The following COBLL1 variants were observed in gnomAD, a reference collection of about 807,000 sequenced individuals.
The protein encoded by COBLL1 is cordon-bleu WH2 repeat protein like 1, also known as cordon-bleu protein-like 1.
COBLL1 carries 50 observed loss-of-function variants against 94.8 expected under a neutral mutation model. The ratio of observed to expected loss-of-function variants is 0.53; its 90% CI spans 0.42 to 0.67. COBLL1 has a LOEUF of 0.67. COBLL1 is among the 30% of genes least tolerant of loss of function. The probability of loss-of-function intolerance (pLI) is 0.00; values close to 1 mark genes in which losing one functional copy is unlikely to be tolerated. For synonymous variants in COBLL1, 448 were observed against 473.8 expected, an observed-to-expected ratio of 0.95 and a Z score of 0.71; for missense variants, 1,362 against 1,348.7, an observed-to-expected ratio of 1.01 and a Z score of -0.15.
rs116584273 is a variant in COBLL1, at chr2:164,767,954, C to T, written c.42-24079G>A. On this transcript the variant is annotated intron_variant, in intron 2 of 13. Coordinates refer to ENST00000652658, the MANE Select transcript of COBLL1 (RefSeq NM_001365672.2). ...ATGAGAAGGTGAACTAGAAATTACC[C>T]TACTGGTCCTAGCCCCAAACGGTGC... Among the ~76,000 whole-genome samples the T allele has an allele frequency of 4.8e-3, 738 of 152,188 alleles. 8 individuals carry two copies. Among genetic ancestry groups the T allele is most frequent in the African/African-American group, 0.016 (678 of 41,520 alleles).
At chr2:164,783,846 G>T (rs1309777142) in intron 2 of COBLL1, among the ~76,000 whole-genome samples, 1 of 151,958 alleles carries the variant, frequency 6.6e-6, no homozygotes, top group Non-Finnish European at 1.5e-5. Context: ...CATGCCTGTG[G>T]TCTCAGTTAT....
chr2:164,770,830 G>A (rs1688168547), intron 2 of COBLL1, among the ~76,000 whole-genome samples: 2 of 152,050 alleles, frequency 1.3e-5, no homozygotes, highest in South Asian at 4.2e-4. Context: ...ATAGCCTTTG[G>A]ATATCAAAGC....
chr2:164,775,674 G>A (rs1203795641), intron 2 of COBLL1, among the ~76,000 whole-genome samples: 3 of 151,988 alleles, frequency 2.0e-5, no homozygotes, highest in African/African-American at 4.8e-5. Flanking sequence ...TGTTGGCCTC[G>A]AACTCCTGAC....
intron 2 of COBLL1, among the ~76,000 whole-genome samples, chr2:164,812,621 C>T (rs1684513981): frequency 6.6e-6 from 1 of 152,014 alleles, no homozygotes. Context: ...GTTCACCCTT[C>T]CCTGCCTAGA....
Position 164,700,671 on chromosome 2 carries a change from A to G in COBLL1, c.1311T>C (p.Ile437=), listed in dbSNP as rs1364266323. The change falls in exon 10 of 14, where the codon ATT becomes ATC. Residue 437 remains isoleucine, a synonymous_variant. Coordinates refer to ENST00000652658, the MANE Select transcript of COBLL1 (RefSeq NM_001365672.2). ...AAGGAATATCTTGTGACTTCGGAGA[A>G]ATATTTTCAGCTTCAACTTTAGGCA... The part of the protein sequence containing the change: ...SEVPKVEAEN[I]SPKSQDIPFV... The G allele has an allele frequency of 6.2e-7, 1 of 1,613,434 alleles. No homozygotes were observed. Among genetic ancestry groups the G allele is most frequent in the East Asian group, 2.2e-5 (1 of 44,862 alleles).
intron 2 of COBLL1, among the ~76,000 whole-genome samples, chr2:164,795,745 T>A (rs1002980111): frequency 1.3e-5 from 2 of 152,194 alleles, no homozygotes; most frequent in Non-Finnish European, 2.9e-5. Flanking sequence ...CTGATAATAG[T>A]GTGATCAACA....
In COBLL1 at chr2:164,743,890, A is replaced by G; in HGVS notation, c.42-15T>C. On this transcript the variant is annotated splice_polypyrimidine_tract_variant and intron_variant, in intron 2 of 13. Coordinates refer to ENST00000652658, the MANE Select transcript of COBLL1 (RefSeq NM_001365672.2). ...TTGGTTTTCTCCTAAAATATAAAGA[A>G]AACACAAAAAATACAAAATATTTTA... 1 of 1,489,126 alleles carries G rather than the reference A, an allele frequency of 6.7e-7. No homozygotes were observed. Among genetic ancestry groups the G allele is most frequent in the Non-Finnish European group, 9.0e-7 (1 of 1,112,702 alleles). The allele number at this position is 1,489,126 out of a possible 1,614,324, so 92.2% of individuals were successfully genotyped here.
chr2:164,816,095 ATAGAGT>A (rs1307862646), intron 2 of COBLL1, among the ~76,000 whole-genome samples: 2 of 152,034 alleles, frequency 1.3e-5, no homozygotes, highest in Non-Finnish European at 2.9e-5. Flanking sequence ...ATATACTCTG[ATAGAGT>A]TAAAGTATCA....
chr2:164,775,549 G>A (rs561511498), intron 2 of COBLL1, among the ~76,000 whole-genome samples: 23 of 152,212 alleles, frequency 1.5e-4, no homozygotes, highest in Middle Eastern at 3.4e-3. Context: ...TGCAACCTCC[G>A]CCTACCAGAT....
intron 2 of COBLL1, among the ~76,000 whole-genome samples, chr2:164,750,382 T>A (rs917861181): frequency 6.6e-6 from 1 of 152,202 alleles, no homozygotes. Context: ...CATACTTTAA[T>A]TCCTCTCTGT....
intron 2 of COBLL1, among the ~76,000 whole-genome samples, chr2:164,822,689 T>A (rs1259798156): frequency 6.6e-6 from 1 of 150,904 alleles, no homozygotes; most frequent in East Asian, 1.9e-4. Context: ...TATATACACA[T>A]TTACATGCTC....
Position 164,687,199 on chromosome 2 carries a change from T to G in COBLL1, c.3301-1167A>C, listed in dbSNP as rs1683338647. On this transcript the variant is annotated intron_variant, in intron 13 of 13. Transcript: ENST00000652658. ...CCAAGTATAGCCAACAAATGACAGG[T>G]AATGACTTTCTTTCTTTTTTTTTTT... 7.0e-6 allele frequency: 3 copies of G among 431,366 alleles called. No homozygotes were observed. The East Asian group carries it at 1.3e-4, about 19-fold the overall frequency. 26.7% of individuals were successfully genotyped at this position (431,366 alleles called of 1,614,324 possible).
chr2:164,799,672 A>G (rs1683659221), intron 2 of COBLL1, among the ~76,000 whole-genome samples: 1 of 152,254 alleles, frequency 6.6e-6, no homozygotes, highest in Admixed American at 6.5e-5. Flanking sequence ...CAAGCTGGAG[A>G]ACTGATACAA....
rs1297887444 is a variant in COBLL1, at chr2:164,686,014, T to A, written c.3319A>T (p.Thr1107Ser). 2 of 1,598,906 alleles carry A rather than the reference T, an allele frequency of 1.3e-6. No homozygotes were observed. Residue 1107 changes from threonine to serine, a missense_variant, in exon 14 of 14, where the codon ACA becomes TCA. Coordinates refer to ENST00000652658, the MANE Select transcript of COBLL1 (RefSeq NM_001365672.2). Reference sequence around the variant, plus strand: ...CTTGACCTTCCATTCACAGATATTGTATTTGATGGAATGGTAACCTAAGAG... The same window carrying A: ...CTTGACCTTCCATTCACAGATATTGAATTTGATGGAATGGTAACCTAAGAG... ...KLKRVTIPSN[T>S]ISVNGRSRLS...
At chr2:164,794,193 G>A (rs1024520081) in intron 2 of COBLL1, among the ~76,000 whole-genome samples, 1 of 152,092 alleles carries the variant, frequency 6.6e-6, no homozygotes, top group Non-Finnish European at 1.5e-5. Flanking sequence ...AAACTGAAGG[G>A]GTGGAAGTTG....
intron 2 of COBLL1, chr2:164,779,567 C>A: frequency 2.3e-6 from 1 of 437,470 alleles, no homozygotes; most frequent in South Asian, 1.7e-5. Context: ...CCCTGCCCCA[C>A]CCATGCCATT....
At chr2:164,772,750 C>T (rs921896706) in intron 2 of COBLL1, among the ~76,000 whole-genome samples, 4 of 152,086 alleles carry the variant, frequency 2.6e-5, no homozygotes, top group Non-Finnish European at 2.9e-5. Context: ...AAGACTAATT[C>T]TCACATTCAT....
chr2:164,753,059 C>A (rs6758679), intron 2 of COBLL1, among the ~76,000 whole-genome samples: 44 of 152,066 alleles, frequency 2.9e-4, no homozygotes, highest in African/African-American at 1.0e-3. Context: ...ATGGACAGGA[C>A]GCCCATTCCC....
chr2:164,693,742 C>T (rs772447061), intron 12 of COBLL1, among the ~76,000 whole-genome samples: 1 of 152,100 alleles, frequency 6.6e-6, no homozygotes, highest in Non-Finnish European at 1.5e-5. Flanking sequence ...TAAAACTCTG[C>T]TTTCAATGTA....
Sources: allele counts gnomAD v4.1 joint callset (sites outside exome capture counted in the v4.1 genomes callset), GRCh38; gene constraint gnomAD v4.1.1; transcripts MANE v1.5; gene names NCBI Gene and HGNC (gene_info 2026-07-23, HGNC 2026-07-21).